The following GPHN variants were observed in gnomAD, a reference collection of about 807,000 sequenced individuals.
The protein encoded by GPHN is gephyrin.
In GPHN, 17 loss-of-function variants were observed where a neutral mutation model predicts 95.5. That is an observed-to-expected ratio of 0.18 (90% CI 0.12 to 0.27). GPHN has a LOEUF of 0.27. Among genes scored for constraint, GPHN ranks in the 10% least tolerant of loss-of-function variants. The probability of loss-of-function intolerance (pLI) is 1.00; values close to 1 mark genes in which losing one functional copy is unlikely to be tolerated. For synonymous variants in GPHN, 320 were observed against 322.5 expected (o/e 0.99, Z 0.08); for missense variants, 660 against 978.1 (o/e 0.67, Z 4.34).
At chr14:67,222,436 C>T in the GPHN span, among the ~76,000 whole-genome samples, 20 of 152,088 alleles carry the variant, frequency 1.3e-4, no homozygotes, top group African/African-American at 4.8e-4. Flanking sequence ...GGATTACAGG[C>T]GTTTGCCACC....
At chr14:66,683,753 G>A (rs1024509281) in intron 2 of GPHN, among the ~76,000 whole-genome samples, 5 of 151,360 alleles carry the variant, frequency 3.3e-5, no homozygotes, top group Non-Finnish European at 7.4e-5. Flanking sequence ...CGAGGTGGGC[G>A]GATCATGAGG....
At chr14:66,709,578 A>T (rs1289354216) in intron 2 of GPHN, 1 of 332,948 alleles carries the variant, frequency 3.0e-6, no homozygotes. Flanking sequence ...TCAGACTGGC[A>T]CATAATTTAA....
At chr14:67,379,748 G>A in the GPHN span, among the ~76,000 whole-genome samples, 4 of 132,402 alleles carry the variant, frequency 3.0e-5, no homozygotes, top group Non-Finnish European at 6.0e-5. Flanking sequence ...TCCGCCTCCC[G>A]GGTTCACACC....
chr14:67,394,636 CTTTGATGGG>C, the GPHN span, among the ~76,000 whole-genome samples: 1 of 152,058 alleles, frequency 6.6e-6, no homozygotes, highest in Non-Finnish European at 1.5e-5. Flanking sequence ...ATTCATACAT[CTTTGATGGG>C]TGTTAACAGT....
the GPHN span, among the ~76,000 whole-genome samples, chr14:67,456,614 A>AAG: frequency 6.6e-6 from 1 of 152,124 alleles, no homozygotes; most frequent in African/African-American, 2.4e-5. Context: ...AAAAAAAAAA[A>AAG]AAAAGTCAAA....
At chr14:66,791,214 G>T (rs538373929) in intron 3 of GPHN, among the ~76,000 whole-genome samples, 2 of 152,248 alleles carry the variant, frequency 1.3e-5, no homozygotes, top group South Asian at 4.2e-4. Flanking sequence ...CTTACTGAAA[G>T]TCGGCCAATC....
the GPHN span, among the ~76,000 whole-genome samples, chr14:67,193,060 ATATC>A: frequency 8.7e-4 from 126 of 144,794 alleles, 1 homozygote; most frequent in South Asian, 4.0e-3. Context: ...ATATATCTCT[ATATC>A]TATATATATC....
At chr14:67,224,212 T>A in the GPHN span, among the ~76,000 whole-genome samples, 2 of 151,848 alleles carry the variant, frequency 1.3e-5, no homozygotes, top group African/African-American at 2.4e-5. Context: ...TGAAATAGGG[T>A]CCAGGTTAAA....
chr14:67,489,774 A>G, the GPHN span, among the ~76,000 whole-genome samples: 1 of 152,176 alleles, frequency 6.6e-6, no homozygotes, highest in Admixed American at 6.5e-5. Context: ...GCGGATCACG[A>G]GGTCAGGAGA....
At chr14:66,852,199 T>C (rs2062610099) in intron 4 of GPHN, among the ~76,000 whole-genome samples, 1 of 152,236 alleles carries the variant, frequency 6.6e-6, no homozygotes. Flanking sequence ...TTAATAAAAA[T>C]CTTTATGGAT....
At chr14:67,164,841 A>G (rs1311630477) in intron 19 of GPHN, among the ~76,000 whole-genome samples, 1 of 152,008 alleles carries the variant, frequency 6.6e-6, no homozygotes, top group Non-Finnish European at 1.5e-5. Context: ...CAAAAGTAGT[A>G]TAAACATTAT....
intron 9 of GPHN, among the ~76,000 whole-genome samples, chr14:67,016,635 T>C (rs2073329444): frequency 6.6e-6 from 1 of 152,112 alleles, no homozygotes; most frequent in Non-Finnish European, 1.5e-5. Flanking sequence ...GAAACATCCA[T>C]ATTTTGCAAA....
chr14:67,562,543 T>G, the GPHN span: 2 of 1,608,760 alleles, frequency 1.2e-6, no homozygotes, highest in African/African-American at 1.3e-5. Context: ...CCAGGGAAGG[T>G]GGTCCTGGCA....
At chr14:67,625,489 A>G in the GPHN span, among the ~76,000 whole-genome samples, 1 of 151,980 alleles carries the variant, frequency 6.6e-6, no homozygotes, top group Non-Finnish European at 1.5e-5. Context: ...GACCAGCCTC[A>G]ACATGGAGAA....
At chr14:67,510,176 TGAGAA>T in the GPHN span, among the ~76,000 whole-genome samples, 4 of 152,198 alleles carry the variant, frequency 2.6e-5, no homozygotes, top group African/African-American at 9.6e-5. Context: ...CTCATTGATA[TGAGAA>T]AAGAACATAT....
At chr14:66,988,751 C>G (rs1421036177) in intron 9 of GPHN, among the ~76,000 whole-genome samples, 1 of 151,874 alleles carries the variant, frequency 6.6e-6, no homozygotes, top group Non-Finnish European at 1.5e-5. Flanking sequence ...ACAGATAGTT[C>G]AGACTATCAA....
At chr14:67,423,962 G>A in the GPHN span, among the ~76,000 whole-genome samples, 1 of 152,214 alleles carries the variant, frequency 6.6e-6, no homozygotes, top group Non-Finnish European at 1.5e-5. Flanking sequence ...AGGAGGCTGG[G>A]TGCAGTGGCT....
chr14:66,846,412 G>A (rs1279833974), intron 4 of GPHN, among the ~76,000 whole-genome samples: 1 of 152,056 alleles, frequency 6.6e-6, no homozygotes, highest in Non-Finnish European at 1.5e-5. Flanking sequence ...GGCTCTTAAG[G>A]TGCTCACATT....
At chr14:67,102,880 C>T (rs570578058) in intron 13 of GPHN, among the ~76,000 whole-genome samples, 1 of 152,098 alleles carries the variant, frequency 6.6e-6, no homozygotes, top group Non-Finnish European at 1.5e-5. Context: ...TGAGGAGATT[C>T]GCATGCAACT....
Sources: allele counts gnomAD v4.1 joint callset (sites outside exome capture counted in the v4.1 genomes callset), GRCh38; gene constraint gnomAD v4.1.1; transcripts MANE v1.5; gene names NCBI Gene and HGNC (gene_info 2026-07-23, HGNC 2026-07-21).